PELO: variants seen among roughly 807,000 people sequenced by gnomAD.
The protein encoded by PELO is protein pelota homolog.
Under a neutral mutation model 25.9 loss-of-function variants are expected in PELO, and 19 were observed. The ratio of observed to expected loss-of-function variants is 0.73; its 90% CI spans 0.51 to 1.08. PELO has a LOEUF of 1.08. Among genes scored for constraint, PELO ranks in the 50% least tolerant of loss-of-function variants. The pLI, the probability that PELO is intolerant of heterozygous loss-of-function variation, is 0.00. For synonymous variants in PELO, 196 were observed against 192.2 expected (o/e 1.02, Z -0.16); for missense variants, 498 against 491.4 (o/e 1.01, Z -0.13).
rs1748531860 is a variant in PELO, at chr5:52,803,627, C to T, written c.*1787C>T. 1 of 152,126 alleles carries T rather than the reference C, an allele frequency of 6.6e-6. No homozygotes were observed. Among genetic ancestry groups the T allele is most frequent in the South Asian group, 2.1e-4 (1 of 4,830 alleles). The allele number at this position is 152,126 out of a possible 1,614,324, so 9.4% of individuals were successfully genotyped here. On this transcript the variant is annotated 3_prime_UTR_variant, in exon 3 of 3. Coordinates refer to ENST00000274311, the MANE Select transcript of PELO (RefSeq NM_015946.5). Reference sequence around the variant, plus strand: ...TCAGACTAGTTAAATAACGTTTTATCCCTAGAAATGTTTTTTTTAAAGCTA... The same window carrying T: ...TCAGACTAGTTAAATAACGTTTTATTCCTAGAAATGTTTTTTTTAAAGCTA...
At chr5:52,792,875 G>A (rs1273792178) in intron 1 of PELO, among the ~76,000 whole-genome samples, 1 of 152,168 alleles carries the variant, frequency 6.6e-6, no homozygotes, top group South Asian at 2.1e-4. Flanking sequence ...AGAGCAGTCT[G>A]TGACTGGAGA....
At position 52,800,833 on chromosome 5, in the gene PELO, G is replaced by C. The variant is rs1024183492; in HGVS notation, c.439G>C (p.Ala147Pro). 6.2e-7 allele frequency: 1 copy of C among 1,609,360 alleles called. No individual in the cohort carries two copies. The highest frequency in any genetic ancestry group is 8.5e-7 in the Non-Finnish European group (1 of 1,176,994). Residue 147 changes from alanine (A) to proline (P), a missense_variant, in exon 2 of 3, where the codon GCC becomes CCC. Physicochemically the swap from Ala to Pro is conservative, Grantham distance 27. Transcript: ENST00000274311. The part of the protein sequence containing the change: ...VAAVVMQEGL[A>P]HICLVTPSMT... ...GGCTGTGGTCATGCAGGAAGGCCTCGCCCATATCTGCTTAGTCACTCCCAG... is the reference window on the plus strand; with the variant it reads ...GGCTGTGGTCATGCAGGAAGGCCTCCCCCATATCTGCTTAGTCACTCCCAG...
chr5:52,801,177 A>G, intron 2 of PELO, 57 bp downstream of exon 2: 1 of 1,478,884 alleles, frequency 6.8e-7, no homozygotes, highest in Non-Finnish European at 9.1e-7. Flanking sequence ...GGTATAAACT[A>G]CTCCTAAAGT....
chr5:52,801,851 T>G lies in PELO; in HGVS notation c.*11T>G. On this transcript the variant is annotated 3_prime_UTR_variant, in exon 3 of 3. Transcript: ENST00000274311. ...TCTGAAGAGGATTAATGATTGAAACTTAAAATTGAGACAATCTTGTGTTTC... is the reference window on the plus strand; with the variant it reads ...TCTGAAGAGGATTAATGATTGAAACGTAAAATTGAGACAATCTTGTGTTTC... 6.4e-7 allele frequency: 1 copy of G among 1,554,720 alleles called. No individual in the cohort carries two copies. Among genetic ancestry groups the G allele is most frequent in the East Asian group, 2.3e-5 (1 of 44,364 alleles).
intron 1 of PELO, among the ~76,000 whole-genome samples, chr5:52,797,378 G>GT (rs1748365324): frequency 6.6e-6 from 1 of 151,354 alleles, no homozygotes; most frequent in African/African-American, 2.4e-5. Flanking sequence ...GGTTTCTAAT[G>GT]TACAGATAAA....
intron 1 of PELO, among the ~76,000 whole-genome samples, chr5:52,792,596 C>T (rs1436227229): frequency 6.6e-6 from 1 of 152,158 alleles, no homozygotes; most frequent in South Asian, 2.1e-4. Flanking sequence ...GCTCCTCTAA[C>T]ATGTTCCTCC....
In PELO at chr5:52,788,298, G is replaced by A. The variant is rs1474422822; in HGVS notation, c.-627G>A. 6 of 1,359,698 alleles carry A rather than the reference G, an allele frequency of 4.4e-6. No individual in the cohort carries two copies. Among genetic ancestry groups the A allele is most frequent in the Admixed American group, 3.1e-5 (1 of 32,186 alleles). 84.2% of individuals were successfully genotyped at this position (1,359,698 alleles called of 1,614,324 possible). The stretch of plus-strand genomic sequence containing the variant: ...CCCAGCCAGAGAGCGCAGCTCCCGC[G>A]CCCGGTCCTGCCCTGCGAACCAGCG... On this transcript the variant is annotated 5_prime_UTR_variant, in exon 1 of 3. Transcript: ENST00000274311.
chr5:52,801,934 A>C lies in PELO; in HGVS notation c.*94A>C. 1 of 872,126 alleles carries C rather than the reference A, an allele frequency of 1.1e-6. No homozygotes were observed. Among genetic ancestry groups the C allele is most frequent in the Non-Finnish European group, 1.7e-6 (1 of 579,218 alleles). 54.0% of individuals were successfully genotyped at this position (872,126 alleles called of 1,614,324 possible). On this transcript the variant is annotated 3_prime_UTR_variant, in exon 3 of 3. Transcript: ENST00000274311. Reference sequence around the variant, plus strand: ...TGTGACAGAAAGCTGCAAGAATGGCACTTTTTGATTCATACAGGGATTTCT... The same window carrying C: ...TGTGACAGAAAGCTGCAAGAATGGCCCTTTTTGATTCATACAGGGATTTCT...
At chr5:52,796,066 A>G (rs1348505837) in intron 1 of PELO, among the ~76,000 whole-genome samples, 1 of 152,032 alleles carries the variant, frequency 6.6e-6, no homozygotes, top group Admixed American at 6.5e-5. Flanking sequence ...TGTTGTTTAA[A>G]CACTTAAAAA....
chr5:52,788,216 C>A lies in PELO; in HGVS notation c.-709C>A. On this transcript the variant is annotated 5_prime_UTR_variant, in exon 1 of 3. It adds an upstream start codon to the 5' untranslated region. Transcript: ENST00000274311. ...ACAGGAAATCACTCCTCTCCCGCTCCTGGGCGCCGCTGCCACTGGGGCAGA... is the reference window on the plus strand; with the variant it reads ...ACAGGAAATCACTCCTCTCCCGCTCATGGGCGCCGCTGCCACTGGGGCAGA... The A allele has an allele frequency of 1.8e-6, 1 of 557,810 alleles. No homozygotes were observed. The highest frequency in any genetic ancestry group is 3.0e-6 in the Non-Finnish European group (1 of 336,998). The allele number at this position is 557,810 out of a possible 1,614,324, so 34.6% of individuals were successfully genotyped here. A position where few individuals can be genotyped will look rare whatever the true frequency, so the allele number is the denominator to read the frequency against.
Position 52,800,492 on chromosome 5 carries a change from T to C in PELO, c.98T>C (p.Val33Ala). ...PEDMWHTYNLVQVGDSLRAST... is the reference protein window; with the variant it reads ...PEDMWHTYNLAQVGDSLRAST... ...GACATGTGGCACACTTACAACCTCG[T>C]GCAGGTGGGCGACAGCCTGCGCGCC... is the stretch of plus-strand genomic sequence containing the variant. Residue 33 changes from valine to alanine, a missense_variant, in exon 2 of 3, where the codon GTG becomes GCG. Val to Ala is a moderately conservative substitution (Grantham distance 64). Coordinates refer to ENST00000274311, the MANE Select transcript of PELO (RefSeq NM_015946.5). The C allele has an allele frequency of 6.2e-7, 1 of 1,614,060 alleles. No individual in the cohort carries two copies. Among genetic ancestry groups the C allele is most frequent in the Middle Eastern group, 1.6e-4 (1 of 6,062 alleles).
Position 52,802,708 on chromosome 5 carries a change from A to C in PELO, c.*868A>C, listed in dbSNP as rs1748513847. The C allele has an allele frequency of 6.6e-6, 1 of 152,188 alleles. No homozygotes were observed. Among genetic ancestry groups the C allele is most frequent in the African/African-American group, 2.4e-5 (1 of 41,450 alleles). The allele number at this position is 152,188 out of a possible 1,614,324, so 9.4% of individuals were successfully genotyped here. ...TTATTTATTTATTTTTTTGCTTGTC[A>C]AAGTTATACTTAATTCTGTTTTATA... On this transcript the variant is annotated 3_prime_UTR_variant, in exon 3 of 3. Transcript: ENST00000274311.
At chr5:52,789,342 CATT>C (rs953405577) in intron 1 of PELO, among the ~76,000 whole-genome samples, 36 of 152,234 alleles carry the variant, frequency 2.4e-4, no homozygotes, top group African/African-American at 8.4e-4. Context: ...TTTAACATAT[CATT>C]GATATTCAAT....
rs2111631899 is a variant in PELO, at chr5:52,788,120, G to A, written c.-805G>A. 4.6e-6 allele frequency: 2 copies of A among 431,884 alleles called. No individual in the cohort carries two copies. The highest frequency in any genetic ancestry group is 3.7e-5 in the East Asian group (1 of 27,246). 26.8% of individuals were successfully genotyped at this position (431,884 alleles called of 1,614,324 possible). A position where few individuals can be genotyped will look rare whatever the true frequency, so the allele number is the denominator to read the frequency against. ...GATTTCAGAGACCAAGAGCGCGAAG[G>A]GGCGGGCGATGTGGCAATCCGTCTG... On this transcript the variant is annotated 5_prime_UTR_variant, in exon 1 of 3. Transcript: ENST00000274311.
chr5:52,787,981 A>T lies in PELO; in HGVS notation c.-944A>T. Reference sequence around the variant, plus strand: ...CGAGATCACCCTCTCAATGAAAGGCAGATGTCCCTTTAAGGTTTGCTTCTA... The same window carrying T: ...CGAGATCACCCTCTCAATGAAAGGCTGATGTCCCTTTAAGGTTTGCTTCTA... On this transcript the variant is annotated 5_prime_UTR_variant, in exon 1 of 3. It introduces an in-frame stop codon into an upstream open reading frame of the 5' UTR. Coordinates refer to ENST00000274311, the MANE Select transcript of PELO (RefSeq NM_015946.5). 4.8e-6 allele frequency: 1 copy of T among 209,716 alleles called. No individual in the cohort carries two copies. Among genetic ancestry groups the T allele is most frequent in the Non-Finnish European group, 9.4e-6 (1 of 105,934 alleles). 13.0% of individuals were successfully genotyped at this position (209,716 alleles called of 1,614,324 possible). A position where few individuals can be genotyped will look rare whatever the true frequency, so the allele number is the denominator to read the frequency against.
chr5:52,794,498 A>AACACACAC (rs1276492389), intron 1 of PELO, among the ~76,000 whole-genome samples: 2 of 84,546 alleles, frequency 2.4e-5, no homozygotes, highest in African/African-American at 8.3e-5. Flanking sequence ...TGCAAATAGA[A>AACACACAC]ATACACACAC....
chr5:52,800,660 A>G lies in PELO; in HGVS notation c.266A>G (p.Gln89Arg). The change falls in exon 2 of 3, where the codon CAA (glutamine) becomes CGA (arginine). Residue 89 changes from glutamine to arginine, a missense_variant. Gln to Arg is a conservative substitution (Grantham distance 43). Transcript: ENST00000274311. ...CQLRVKGTNI[Q>R]ENEYVKMGAY... Reference sequence around the variant, plus strand: ...CTGCGGGTTAAGGGGACCAACATCCAAGAGAATGAGTATGTCAAGATGGGG... The same window carrying G: ...CTGCGGGTTAAGGGGACCAACATCCGAGAGAATGAGTATGTCAAGATGGGG... 1 of 1,614,158 alleles carries G rather than the reference A, an allele frequency of 6.2e-7. No homozygotes were observed. The highest frequency in any genetic ancestry group is 8.5e-7 in the Non-Finnish European group (1 of 1,180,022).
chr5:52,800,802 T>C lies in PELO; in HGVS notation c.408T>C (p.Asp136=), dbSNP rs1216723845. 8.1e-6 allele frequency: 13 copies of C among 1,612,080 alleles called. No homozygotes were observed. Among genetic ancestry groups the C allele is most frequent in the Admixed American group, 1.7e-5 (1 of 59,886 alleles). ...EQACDPAWSA[D]VAAVVMQEGL... The stretch of plus-strand genomic sequence containing the variant: ...CCTGTGACCCAGCCTGGAGCGCTGA[T>C]GTGGCGGCTGTGGTCATGCAGGAAG... Residue 136 remains aspartate (D), a synonymous_variant, in exon 2 of 3, where the codon GAT becomes GAC. Transcript: ENST00000274311.
intron 1 of PELO, among the ~76,000 whole-genome samples, chr5:52,792,316 A>G (rs1474786150): frequency 6.6e-6 from 1 of 152,030 alleles, no homozygotes; most frequent in Non-Finnish European, 1.5e-5. Context: ...ACAAAGAATG[A>G]CTCCCAATGG....
Sources: allele counts gnomAD v4.1 joint callset (sites outside exome capture counted in the v4.1 genomes callset), GRCh38; gene constraint gnomAD v4.1.1; transcripts MANE v1.5; gene names NCBI Gene and HGNC (gene_info 2026-07-23, HGNC 2026-07-21).